The following VWA8 variants were observed in gnomAD, a reference collection of about 807,000 sequenced individuals.
The protein encoded by VWA8 is von Willebrand factor A domain-containing protein 8.
VWA8 carries 221 observed loss-of-function variants against 241.5 expected under a neutral mutation model. That is an observed-to-expected ratio of 0.91 (90% CI 0.82 to 1.02). VWA8 has a LOEUF of 1.02. Ranked by LOEUF, VWA8 falls within the 50% of genes least tolerant of loss-of-function variation. The probability of loss-of-function intolerance (pLI) is 0.00; values close to 1 mark genes in which losing one functional copy is unlikely to be tolerated. For missense variants in VWA8, 2,322 were observed against 2,328.7 expected (o/e 1.00, Z 0.06); for synonymous variants, 852 against 827.1 (o/e 1.03, Z -0.52).
chr13:41,611,353 G>A (rs760906339), intron 39 of VWA8, among the ~76,000 whole-genome samples: 13 of 152,326 alleles, frequency 8.5e-5, no homozygotes, highest in East Asian at 5.8e-4. Context: ...TGGATGGGGC[G>A]ATTTGAGCTT....
intron 14 of VWA8, among the ~76,000 whole-genome samples, chr13:41,825,563 C>T (rs1871141994): frequency 6.6e-6 from 1 of 152,110 alleles, no homozygotes; most frequent in Non-Finnish European, 1.5e-5. Flanking sequence ...GTGATACCCC[C>T]CGAGCATCGA....
intron 23 of VWA8, among the ~76,000 whole-genome samples, chr13:41,729,297 T>C (rs1182099724): frequency 1.3e-5 from 2 of 151,864 alleles, no homozygotes; most frequent in African/African-American, 2.4e-5. Flanking sequence ...AGTAGAAAAA[T>C]ACAAAGTTGA....
intron 43 of VWA8, among the ~76,000 whole-genome samples, chr13:41,573,108 C>CAAAAAA (rs71086585): frequency 4.3e-4 from 31 of 72,386 alleles, no homozygotes; most frequent in East Asian, 1.6e-3. Flanking sequence ...GACACCGTTT[C>CAAAAAA]AAAAAAAAAA....
intron 17 of VWA8, among the ~76,000 whole-genome samples, chr13:41,810,763 T>C (rs943702880): frequency 2.0e-5 from 3 of 152,018 alleles, no homozygotes; most frequent in African/African-American, 7.2e-5. Context: ...AAAAGTATAA[T>C]TGGAACGTTC....
intron 21 of VWA8, among the ~76,000 whole-genome samples, chr13:41,737,468 T>C (rs1448977486): frequency 6.6e-6 from 1 of 152,220 alleles, no homozygotes; most frequent in Non-Finnish European, 1.5e-5. Context: ...GCCCTATCTA[T>C]AAAAGACAAA....
At position 41,833,405 on chromosome 13, in the gene VWA8, G is replaced by C. The variant is rs375266930; in HGVS notation, c.1552C>G (p.Arg518Gly). ...ACAGCAAGCGTGCCCGCATTCACCCGGTGAATGCCATCCAGCAGGACCAGC... is the reference window on the plus strand; with the variant it reads ...ACAGCAAGCGTGCCCGCATTCACCCCGTGAATGCCATCCAGCAGGACCAGC... ...GKLVLLDGIH[R>G]VNAGTLAVLQ... The change falls in exon 13 of 45, where the codon CGG (arginine) becomes GGG (glycine). Residue 518 changes from arginine (R) to glycine (G), a missense_variant. Physicochemically the swap from Arg to Gly is moderately radical, Grantham distance 125. Transcript: ENST00000379310. The C allele has an allele frequency of 1.2e-6, 2 of 1,613,256 alleles. No individual in the cohort carries two copies. The highest frequency in any genetic ancestry group is 1.1e-5 in the South Asian group (1 of 90,986).
At position 41,783,667 on chromosome 13, in the gene VWA8, C is replaced by T. The variant is rs1869003915; in HGVS notation, c.2277+128G>A. ...AAAAAAAAAAAAAAGATGTTCAACA[C>T]TTCATTTTGCATCATCTAAATTAAA... On this transcript the variant is annotated intron_variant, in intron 19 of 44. Coordinates refer to ENST00000379310, the MANE Select transcript of VWA8 (RefSeq NM_015058.2). 22 of 557,988 alleles carry T rather than the reference C, an allele frequency of 3.9e-5. No individual in the cohort carries two copies. The South Asian group carries it at 4.5e-4, about 11-fold the overall frequency. The allele number at this position is 557,988 out of a possible 1,614,324, so 34.6% of individuals were successfully genotyped here.
chr13:41,637,587 A>T (rs565749160), intron 37 of VWA8, among the ~76,000 whole-genome samples: 1 of 151,762 alleles, frequency 6.6e-6, no homozygotes, highest in East Asian at 1.9e-4. Context: ...AAAAAAAAAT[A>T]AATAATAAAA....
chr13:41,897,845 C>G (rs998345648), intron 4 of VWA8, among the ~76,000 whole-genome samples: 2 of 152,080 alleles, frequency 1.3e-5, no homozygotes, highest in Admixed American at 6.5e-5. Context: ...GGGACCCGAG[C>G]GGGTTGCCAC....
At chr13:41,888,901 T>C (rs1011222327) in intron 5 of VWA8, among the ~76,000 whole-genome samples, 3 of 152,192 alleles carry the variant, frequency 2.0e-5, no homozygotes, top group Admixed American at 1.3e-4. Flanking sequence ...AACTATGTCA[T>C]ATACACTAGA....
Position 41,841,842 on chromosome 13 carries a change from TATATATATATATATATAA to T in VWA8, c.1426-8329_1426-8312del, listed in dbSNP as rs1240618385. ...AAAAATATATATATATATATATATA[TATATATATATATATATAA>T]AAACAGTAGACATTTAATATTTTTT... On this transcript the variant is annotated intron_variant, in intron 12 of 44. Transcript: ENST00000379310. Among the ~76,000 whole-genome samples the T allele has an allele frequency of 6.6e-3, 595 of 89,828 alleles. 25 individuals are homozygous for T. Among genetic ancestry groups the T allele is most frequent in the Middle Eastern group, 0.027 (4 of 150 alleles). The allele number at this position is 89,828 out of a possible 152,430, so 58.9% of individuals were successfully genotyped here.
chr13:41,709,129 C>T (rs995409375), intron 26 of VWA8, among the ~76,000 whole-genome samples: 3 of 152,190 alleles, frequency 2.0e-5, no homozygotes, highest in Admixed American at 6.5e-5. Context: ...CAAGGACTCA[C>T]GGAATGAAAA....
chr13:41,742,752 T>C lies in VWA8; in HGVS notation c.2427-10597A>G, dbSNP rs192514236. Among the ~76,000 whole-genome samples the C allele has an allele frequency of 1.2e-4, 18 of 152,332 alleles. No individual in the cohort carries two copies. In the East Asian group the frequency reaches 3.5e-3, roughly 29 times the overall value. ...ACTTTATTTCAATGCCTAGCATCTC[T>C]GAAAAAGAACTCACAAACACATGAG... On this transcript the variant is annotated intron_variant, in intron 21 of 44. Transcript: ENST00000379310.
chr13:41,887,240 C>A lies in VWA8; in HGVS notation c.773G>T (p.Arg258Leu), dbSNP rs372610625. The A allele has an allele frequency of 1.2e-6, 2 of 1,612,954 alleles. No homozygotes were observed. Among genetic ancestry groups the A allele is most frequent in the Non-Finnish European group, 1.7e-6 (2 of 1,179,630 alleles). ...YSGNPLDPPL[R>L]SRFQARDIYY... is the part of the protein sequence containing the mutation. ...AATATCCCTGGCTTGAAATCGAGAA[C>A]GAAGAGGGGGGTCTAATGGATTCCC... The change falls in exon 6 of 45, where the codon CGT (arginine) becomes CTT (leucine). Residue 258 changes from arginine to leucine, a missense_variant. Transcript: ENST00000379310.
chr13:41,613,728 A>C (rs2044604177), intron 38 of VWA8, among the ~76,000 whole-genome samples: 1 of 152,200 alleles, frequency 6.6e-6, no homozygotes, highest in Non-Finnish European at 1.5e-5. Flanking sequence ...ATAAGCCTGG[A>C]CATTCCAAAC....
intron 27 of VWA8, among the ~76,000 whole-genome samples, chr13:41,702,995 C>T (rs2045259767): frequency 6.6e-6 from 1 of 152,096 alleles, no homozygotes; most frequent in African/African-American, 2.4e-5. Flanking sequence ...CAATGTGTGG[C>T]TAAAAAGAGG....
Position 41,671,021 on chromosome 13 carries a change from T to G in VWA8, c.4536A>C (p.Glu1512Asp). Residue 1512 changes from glutamate (E) to aspartate (D), a missense_variant, in exon 37 of 45, where the codon GAA becomes GAC. Physicochemically the swap from Glu to Asp is conservative, Grantham distance 45 (BLOSUM62 2). Transcript: ENST00000379310. ...ATCGCTGCAGACGTTCAAGTCCAGT[T>G]TCCCAAAGCCTGATGTGACCTCCCA... ...VDMGGHIRLW[E>D]TGLERLQRSL... 3.1e-6 allele frequency: 5 copies of G among 1,614,048 alleles called. No homozygotes were observed. Among genetic ancestry groups the G allele is most frequent in the Non-Finnish European group, 4.2e-6 (5 of 1,179,922 alleles).
intron 32 of VWA8, 99 bp downstream of exon 32, chr13:41,691,221 G>T (rs909223920): frequency 7.1e-7 from 1 of 1,400,802 alleles, no homozygotes; most frequent in Non-Finnish European, 9.5e-7. Flanking sequence ...ATTGTTAAAG[G>T]ACAGACACAG....
At chr13:41,896,434 A>G (rs1387579152) in intron 4 of VWA8, among the ~76,000 whole-genome samples, 3 of 152,184 alleles carry the variant, frequency 2.0e-5, no homozygotes, top group African/African-American at 7.2e-5. Flanking sequence ...GAAAAATCCA[A>G]TAACTCAAAG....
Sources: allele counts gnomAD v4.1 joint callset (sites outside exome capture counted in the v4.1 genomes callset), GRCh38; gene constraint gnomAD v4.1.1; transcripts MANE v1.5; gene names NCBI Gene and HGNC (gene_info 2026-07-23, HGNC 2026-07-21).